CLSTN2: variants seen among roughly 807,000 people sequenced by gnomAD.
CLSTN2 encodes calsyntenin-2.
A neutral mutation model predicts 101.2 loss-of-function variants in CLSTN2; 48 were observed. The ratio of observed to expected loss-of-function variants is 0.47; its 90% CI spans 0.38 to 0.60. The LOEUF is 0.60. CLSTN2 is among the 20% of genes least tolerant of loss of function. CLSTN2 has a pLI of 0.00. For missense variants in CLSTN2, 1,160 were observed against 1,238.2 expected, an observed-to-expected ratio of 0.94 and a Z score of 0.95; for synonymous variants, 481 against 463.6, an observed-to-expected ratio of 1.04 and a Z score of -0.48.
At chr3:140,167,684 C>T (rs1020131861) in intron 1 of CLSTN2, among the ~76,000 whole-genome samples, 1 of 152,296 alleles carries the variant, frequency 6.6e-6, no homozygotes, top group Non-Finnish European at 1.5e-5. Context: ...AGAACATTCC[C>T]TTGTTCCCCT....
intron 1 of CLSTN2, among the ~76,000 whole-genome samples, chr3:139,987,847 G>T (rs552562195): frequency 6.6e-6 from 1 of 152,276 alleles, no homozygotes; most frequent in East Asian, 1.9e-4. Flanking sequence ...ACAGGAACTG[G>T]AATGATTTTA....
intron 2 of CLSTN2, among the ~76,000 whole-genome samples, chr3:140,271,852 A>T (rs1325810677): frequency 1.3e-5 from 2 of 152,342 alleles, no homozygotes; most frequent in South Asian, 2.1e-4. Context: ...TGCTTGTATA[A>T]TGCAGACACC....
intron 2 of CLSTN2, among the ~76,000 whole-genome samples, chr3:140,350,161 C>T (rs2087590371): frequency 6.6e-6 from 1 of 152,164 alleles, no homozygotes; most frequent in Admixed American, 6.5e-5. Context: ...TGGGGGTGGA[C>T]AGGAAGAAAG....
At position 140,176,119 on chromosome 3, in the gene CLSTN2, T is replaced by C. The variant is rs1366847034; in HGVS notation, c.232+46T>C. ...GGCTGGGCCTGGCTCACTTTGAAGA[T>C]GTGCTGTGAAACCTCCACAAAGCCC... On this transcript the variant is annotated intron_variant, in intron 2 of 16. Transcript: ENST00000458420. The C allele has an allele frequency of 3.1e-6, 5 of 1,607,194 alleles. No individual in the cohort carries two copies. In the East Asian group the frequency reaches 6.7e-5, roughly 22 times the overall value.
intron 8 of CLSTN2, among the ~76,000 whole-genome samples, chr3:140,493,988 A>G (rs1055729372): frequency 2.0e-5 from 3 of 152,228 alleles, no homozygotes; most frequent in Non-Finnish European, 2.9e-5. Context: ...ACATCACAGA[A>G]TGTCTTTTTT....
chr3:140,083,468 A>C (rs893753399), intron 1 of CLSTN2, among the ~76,000 whole-genome samples: 3 of 152,250 alleles, frequency 2.0e-5, no homozygotes, highest in African/African-American at 7.2e-5. Context: ...GGATGAATTA[A>C]TATTTCAGAA....
chr3:140,226,655 A>G (rs1451767029), intron 2 of CLSTN2, among the ~76,000 whole-genome samples: 3 of 152,314 alleles, frequency 2.0e-5, no homozygotes, highest in East Asian at 3.9e-4. Flanking sequence ...AACAGGACCT[A>G]AACTATGCAG....
At chr3:139,994,885 T>C (rs944593229) in intron 1 of CLSTN2, among the ~76,000 whole-genome samples, 25 of 152,198 alleles carry the variant, frequency 1.6e-4, no homozygotes, top group African/African-American at 6.0e-4. Flanking sequence ...AGATGGTCCC[T>C]TCCTTCTTAT....
intron 1 of CLSTN2, among the ~76,000 whole-genome samples, chr3:139,942,916 G>A (rs767224492): frequency 9.9e-5 from 15 of 152,154 alleles, no homozygotes; most frequent in Non-Finnish European, 2.1e-4. Context: ...GATCTTGCTT[G>A]TCTCCAGCTC....
At chr3:140,118,424 C>T (rs573853297) in intron 1 of CLSTN2, among the ~76,000 whole-genome samples, 1 of 152,244 alleles carries the variant, frequency 6.6e-6, no homozygotes, top group African/African-American at 2.4e-5. Context: ...ACGATTTGGT[C>T]TCATCGCTGC....
intron 2 of CLSTN2, among the ~76,000 whole-genome samples, chr3:140,326,143 G>C (rs1027935936): frequency 6.6e-6 from 1 of 152,186 alleles, no homozygotes; most frequent in Non-Finnish European, 1.5e-5. Context: ...GCCGGGTGCT[G>C]TGTCTGAAAT....
At chr3:140,501,665 G>A (rs1291815062) in intron 8 of CLSTN2, among the ~76,000 whole-genome samples, 1 of 152,146 alleles carries the variant, frequency 6.6e-6, no homozygotes, top group Non-Finnish European at 1.5e-5. Flanking sequence ...ATCCCACAGT[G>A]TCTAGTTCCA....
At chr3:140,090,425 C>T (rs1299821930) in intron 1 of CLSTN2, among the ~76,000 whole-genome samples, 1 of 152,038 alleles carries the variant, frequency 6.6e-6, no homozygotes. Context: ...AAGCATGAGC[C>T]ACCATGCCTG....
chr3:140,564,848 G>A (rs1425511322), intron 16 of CLSTN2, among the ~76,000 whole-genome samples: 1 of 152,200 alleles, frequency 6.6e-6, no homozygotes, highest in East Asian at 1.9e-4. Context: ...ATCCATGAGT[G>A]TCAAAGGAAG....
intron 1 of CLSTN2, among the ~76,000 whole-genome samples, chr3:139,936,355 T>A (rs575561229): frequency 1.3e-5 from 2 of 152,170 alleles, no homozygotes; most frequent in East Asian, 1.9e-4. Flanking sequence ...AGAGCAGAGC[T>A]GGTGGGGAAC....
intron 5 of CLSTN2, among the ~76,000 whole-genome samples, chr3:140,443,599 T>C (rs912162466): frequency 6.6e-6 from 1 of 152,246 alleles, no homozygotes; most frequent in Non-Finnish European, 1.5e-5. Context: ...GGCAGGCTGC[T>C]CCCTTTCTCT....
At chr3:140,470,419 A>C (rs1933814476) in intron 8 of CLSTN2, among the ~76,000 whole-genome samples, 2 of 152,178 alleles carry the variant, frequency 1.3e-5, no homozygotes, top group South Asian at 4.1e-4. Context: ...GAACATCTGC[A>C]AGGAATGTGG....
chr3:140,210,200 G>A (rs560913850), intron 2 of CLSTN2, among the ~76,000 whole-genome samples: 5 of 152,246 alleles, frequency 3.3e-5, no homozygotes, highest in South Asian at 2.1e-4. Flanking sequence ...CAAAGAACTC[G>A]CTGTTTGTGT....
intron 5 of CLSTN2, among the ~76,000 whole-genome samples, chr3:140,433,277 C>G (rs1559868448): frequency 6.6e-6 from 1 of 152,218 alleles, no homozygotes; most frequent in African/African-American, 2.4e-5. Flanking sequence ...CCAGGCCCAC[C>G]ACTGGGACCT....
Sources: allele counts gnomAD v4.1 joint callset (sites outside exome capture counted in the v4.1 genomes callset), GRCh38; gene constraint gnomAD v4.1.1; transcripts MANE v1.5; gene names NCBI Gene and HGNC (gene_info 2026-07-23, HGNC 2026-07-21).